SH3RF3: variants seen among roughly 807,000 people sequenced by gnomAD.
SH3RF3 encodes E3 ubiquitin-protein ligase SH3RF3.
A neutral mutation model predicts 66.3 loss-of-function variants in SH3RF3; 29 were observed. The observed-to-expected ratio is 0.44, with a 90% confidence interval of 0.33 to 0.60. The LOEUF (loss-of-function observed/expected upper bound fraction) is 0.60, where lower values mean the gene tolerates loss of function less well. SH3RF3 is among the 20% of genes least tolerant of loss of function. The pLI is 0.04. For synonymous variants in SH3RF3, 583 were observed against 532.0 expected (o/e 1.10, Z -1.32); for missense variants, 1,194 against 1,190.9 (o/e 1.00, Z -0.04).
At chr2:109,165,873 G>T (rs1205191873) in intron 1 of SH3RF3, among the ~76,000 whole-genome samples, 1 of 152,232 alleles carries the variant, frequency 6.6e-6, no homozygotes, top group Non-Finnish European at 1.5e-5. Flanking sequence ...CGTGTGCCCA[G>T]GCTGGATGCC....
At chr2:109,210,987 G>A (rs1574506392) in intron 1 of SH3RF3, among the ~76,000 whole-genome samples, 1 of 152,282 alleles carries the variant, frequency 6.6e-6, no homozygotes, top group South Asian at 2.1e-4. Flanking sequence ...GTGCACACCC[G>A]CTCTGCTCAG....
At chr2:109,416,745 A>G (rs1676733866) in intron 4 of SH3RF3, among the ~76,000 whole-genome samples, 1 of 151,754 alleles carries the variant, frequency 6.6e-6, no homozygotes, top group Non-Finnish European at 1.5e-5. Context: ...AACAACAACA[A>G]CGAACAAAAT....
intron 1 of SH3RF3, among the ~76,000 whole-genome samples, chr2:109,268,883 T>C (rs569436515): frequency 7.2e-5 from 11 of 152,190 alleles, no homozygotes; most frequent in Non-Finnish European, 1.6e-4. Flanking sequence ...CCTAATGATA[T>C]TTTCAATTTA....
chr2:109,323,879 CAG>C (rs1179282186), intron 1 of SH3RF3, among the ~76,000 whole-genome samples: 4 of 152,194 alleles, frequency 2.6e-5, no homozygotes, highest in Admixed American at 6.5e-5. Flanking sequence ...AGTATAGTGA[CAG>C]AGCTGTGCAA....
intron 2 of SH3RF3, among the ~76,000 whole-genome samples, chr2:109,370,234 T>G (rs1211125737): frequency 6.7e-6 from 1 of 149,742 alleles, no homozygotes; most frequent in African/African-American, 2.5e-5. Flanking sequence ...TCTGTCTCTC[T>G]CTCTCTTTTT....
In SH3RF3 at chr2:109,235,935, T is replaced by C. The variant is rs9973355; in HGVS notation, c.573+105822T>C. Among the ~76,000 whole-genome samples, 752 of 147,798 alleles carry C rather than the reference T, an allele frequency of 5.1e-3. 33 individuals carry two copies. The highest frequency in any genetic ancestry group is 0.018 in the African/African-American group (689 of 37,346). On this transcript the variant is annotated intron_variant, in intron 1 of 9. Coordinates refer to ENST00000309415, the MANE Select transcript of SH3RF3 (RefSeq NM_001099289.3). ...CCCTTACTTTAAGAGGCTGTGGGGT[T>C]GGTTTCACCTTGACCTATTATAATA...
rs146982498 is a variant in SH3RF3 at position 109,150,062 on chromosome 2, G to A, written c.573+19949G>A. Among the ~76,000 whole-genome samples, 257 of 152,296 alleles carry A rather than the reference G, an allele frequency of 1.7e-3. 5 individuals carry two copies. The highest frequency in any genetic ancestry group is 5.7e-3 in the African/African-American group (237 of 41,564). ...GGTGCAGCCTGGCATCAGATTCAACGGTCCCCAGGTGATGCCAGTGCTGGG... is the reference window on the plus strand; with the variant it reads ...GGTGCAGCCTGGCATCAGATTCAACAGTCCCCAGGTGATGCCAGTGCTGGG... On this transcript the variant is annotated intron_variant, in intron 1 of 9. Coordinates refer to ENST00000309415, the MANE Select transcript of SH3RF3 (RefSeq NM_001099289.3).
chr2:109,224,850 C>G (rs372138678), intron 1 of SH3RF3, among the ~76,000 whole-genome samples: 7 of 152,078 alleles, frequency 4.6e-5, no homozygotes, highest in African/African-American at 1.7e-4. Context: ...GAGCAAGACT[C>G]TGTCTCAAAA....
At chr2:109,399,105 C>A (rs1676236417) in intron 4 of SH3RF3, among the ~76,000 whole-genome samples, 162 bp downstream of exon 4, 1 of 152,088 alleles carries the variant, frequency 6.6e-6, no homozygotes, top group African/African-American at 2.4e-5. Context: ...CACTGGGGCC[C>A]CCCTAGAAGC....
chr2:109,194,848 A>G (rs1365489580), intron 1 of SH3RF3, among the ~76,000 whole-genome samples: 1 of 152,188 alleles, frequency 6.6e-6, no homozygotes, highest in African/African-American at 2.4e-5. Flanking sequence ...GACATGCCAT[A>G]TAGAGAACCC....
intron 2 of SH3RF3, among the ~76,000 whole-genome samples, chr2:109,362,981 C>T (rs1368149702): frequency 6.6e-6 from 1 of 152,040 alleles, no homozygotes; most frequent in Non-Finnish European, 1.5e-5. Flanking sequence ...TTGTAAACAA[C>T]ATATAGTTGT....
At chr2:109,318,764 A>G (rs189484440) in intron 1 of SH3RF3, among the ~76,000 whole-genome samples, 97 of 152,278 alleles carry the variant, frequency 6.4e-4, no homozygotes, top group Middle Eastern at 3.4e-3. Flanking sequence ...TCCAATCTAA[A>G]GACAAAGCAT....
At chr2:109,488,077 G>A (rs148338394) in intron 8 of SH3RF3, among the ~76,000 whole-genome samples, 14,887 of 152,224 alleles carry the variant, frequency 0.098, 1,189 homozygotes, top group Admixed American at 0.23. Flanking sequence ...CTGCCAGGAG[G>A]GGAGGAGCGG....
chr2:109,184,909 C>G (rs1026383662), intron 1 of SH3RF3, among the ~76,000 whole-genome samples: 1 of 152,144 alleles, frequency 6.6e-6, no homozygotes, highest in African/African-American at 2.4e-5. Flanking sequence ...ATCAAACAAC[C>G]AAGAATGTAA....
chr2:109,205,417 T>G (rs1393609131), intron 1 of SH3RF3, among the ~76,000 whole-genome samples: 2 of 152,006 alleles, frequency 1.3e-5, no homozygotes, highest in Admixed American at 1.3e-4. Context: ...TTGTTTTTGT[T>G]TTTTGTATTT....
chr2:109,227,340 A>C (rs200429148), intron 1 of SH3RF3, among the ~76,000 whole-genome samples: 1,896 of 152,276 alleles, frequency 0.012, 47 homozygotes, highest in African/African-American at 0.043. Context: ...TCACAATACT[A>C]AGGGACTTCT....
chr2:109,157,150 G>A (rs180737169), intron 1 of SH3RF3, among the ~76,000 whole-genome samples: 94 of 152,218 alleles, frequency 6.2e-4, no homozygotes, highest in Admixed American at 4.7e-3. Flanking sequence ...TGAATTTGAT[G>A]TCCCAGAGTG....
intron 3 of SH3RF3, among the ~76,000 whole-genome samples, chr2:109,374,912 T>C (rs1559049605): frequency 6.6e-6 from 1 of 152,078 alleles, no homozygotes; most frequent in Non-Finnish European, 1.5e-5. Context: ...TAAACGAGAG[T>C]GTGCCCTGCA....
At chr2:109,145,772 C>T (rs549479214) in intron 1 of SH3RF3, among the ~76,000 whole-genome samples, 1 of 152,172 alleles carries the variant, frequency 6.6e-6, no homozygotes, top group Non-Finnish European at 1.5e-5. Context: ...AACCCAGGAG[C>T]AGTATTGGTT....
Sources: gnomAD v4.1 joint callset for allele counts (sites outside exome capture counted in the v4.1 genomes callset) on GRCh38, gnomAD v4.1.1 for gene constraint, MANE v1.5 for transcripts, NCBI Gene and HGNC (gene_info 2026-07-23, HGNC 2026-07-21) for gene names.